The following CEP126 variants were observed in gnomAD, a reference collection of about 807,000 sequenced individuals.
CEP126 encodes the protein centrosomal protein of 126 kDa.
CEP126 carries 74 observed loss-of-function variants against 107.8 expected under a neutral mutation model. That is an observed-to-expected ratio of 0.69 (90% CI 0.57 to 0.83). The LOEUF (loss-of-function observed/expected upper bound fraction) is 0.83, where lower values mean the gene tolerates loss of function less well. Among genes scored for constraint, CEP126 ranks in the 40% least tolerant of loss-of-function variants. The probability of loss-of-function intolerance (pLI) is 0.00; values close to 1 mark genes in which losing one functional copy is unlikely to be tolerated. For missense variants in CEP126, 1,237 were observed against 1,281.9 expected, an observed-to-expected ratio of 0.96 and a Z score of 0.53; for synonymous variants, 449 against 446.0, an observed-to-expected ratio of 1.01 and a Z score of -0.08.
At chr11:101,969,899 C>G (rs1941105402) in intron 6 of CEP126, among the ~76,000 whole-genome samples, 1 of 152,122 alleles carries the variant, frequency 6.6e-6, no homozygotes, top group African/African-American at 2.4e-5. Context: ...TAAAAATGAT[C>G]CTTATCTTAC....
intron 2 of CEP126, among the ~76,000 whole-genome samples, chr11:101,935,491 C>G (rs548161542): frequency 7.4e-4 from 112 of 152,132 alleles, no homozygotes; most frequent in African/African-American, 2.5e-3. Context: ...TATCATTCAT[C>G]TCAAATTATA....
At chr11:101,919,539 A>T (rs1940290040) in intron 1 of CEP126, among the ~76,000 whole-genome samples, 1 of 152,104 alleles carries the variant, frequency 6.6e-6, no homozygotes. Context: ...TACAGCTTGT[A>T]TAAAAAAACA....
At chr11:101,940,667 T>C (rs1198945158) in intron 2 of CEP126, among the ~76,000 whole-genome samples, 1 of 152,220 alleles carries the variant, frequency 6.6e-6, no homozygotes, top group Non-Finnish European at 1.5e-5. Context: ...ACATGTCTTG[T>C]GCTAGGCTGA....
chr11:101,938,159 C>CAAAGAAAAAA (rs1940614554), intron 2 of CEP126, among the ~76,000 whole-genome samples: 1 of 39,260 alleles, frequency 2.5e-5, no homozygotes, highest in Non-Finnish European at 5.3e-5. Context: ...GACTCTGTCT[C>CAAAGAAAAAA]AAAAAAAAAA....
At chr11:101,982,416 A>T (rs951826722) in intron 8 of CEP126, among the ~76,000 whole-genome samples, 9 of 152,188 alleles carry the variant, frequency 5.9e-5, no homozygotes, top group African/African-American at 2.2e-4. Flanking sequence ...TTGAGGTAGA[A>T]TCTTTTCATA....
intron 2 of CEP126, among the ~76,000 whole-genome samples, chr11:101,926,459 G>A (rs986329372): frequency 6.6e-6 from 1 of 152,220 alleles, no homozygotes; most frequent in East Asian, 1.9e-4. Context: ...TAACTTTTAT[G>A]CCAATCTAAA....
intron 4 of CEP126, chr11:101,955,665 C>T (rs1940876257): frequency 2.8e-6 from 1 of 355,560 alleles, no homozygotes. Flanking sequence ...GATGATCATA[C>T]ATGGACCCTA....
chr11:101,996,465 C>T (rs1396009582), intron 10 of CEP126, among the ~76,000 whole-genome samples: 1 of 152,186 alleles, frequency 6.6e-6, no homozygotes, highest in East Asian at 1.9e-4. Flanking sequence ...CCCTCATTTT[C>T]CCAGCTCCTA....
At chr11:101,991,996 G>A (rs1941389204) in intron 9 of CEP126, among the ~76,000 whole-genome samples, 1 of 152,118 alleles carries the variant, frequency 6.6e-6, no homozygotes, top group Non-Finnish European at 1.5e-5. Flanking sequence ...GAAATCCATA[G>A]GGCATTGTGG....
intron 1 of CEP126, among the ~76,000 whole-genome samples, chr11:101,918,142 A>G (rs758630962): frequency 1.3e-5 from 2 of 151,996 alleles, no homozygotes; most frequent in Admixed American, 1.3e-4. Context: ...TACTTTTACT[A>G]TAGAAAGTGA....
chr11:101,986,435 T>C (rs757825899), intron 8 of CEP126, among the ~76,000 whole-genome samples: 1 of 152,238 alleles, frequency 6.6e-6, no homozygotes, highest in Non-Finnish European at 1.5e-5. Context: ...AAGTTTCTAA[T>C]CTTAAGGGTT....
rs1241819952 is a variant in CEP126 at position 101,961,725 on chromosome 11, TTC to T, written c.706-14_706-13del. On this transcript the variant is annotated splice_polypyrimidine_tract_variant and intron_variant, in intron 5 of 10. Transcript: ENST00000263468. ...AAAGTTTATAAGCTATAAAACAATGTTCTTTTTTTTTCCAGAAATTTTGTGAT... is the reference window on the plus strand; with the variant it reads ...AAAGTTTATAAGCTATAAAACAATGTTTTTTTTTTCCAGAAATTTTGTGAT... 7.3e-7 allele frequency: 1 copy of T among 1,376,480 alleles called. No homozygotes were observed. Among genetic ancestry groups the T allele is most frequent in the African/African-American group, 1.5e-5 (1 of 68,624 alleles). The allele number at this position is 1,376,480 out of a possible 1,614,324, so 85.3% of individuals were successfully genotyped here.
rs1440901784 is a variant in CEP126, at chr11:101,915,136, C to G, written c.-149C>G. 1 of 1,214,306 alleles carries G rather than the reference C, an allele frequency of 8.2e-7. No individual in the cohort carries two copies. The highest frequency in any genetic ancestry group is 2.6e-5 in the Admixed American group (1 of 38,110). The allele number at this position is 1,214,306 out of a possible 1,614,324, so 75.2% of individuals were successfully genotyped here. ...AGGCACCAGTGCCGCTGCGCGGGAG[C>G]TAGGGCTGTCGAGGCCAACCCTTCC... On this transcript the variant is annotated 5_prime_UTR_variant, in exon 1 of 11. Transcript: ENST00000263468.
chr11:101,974,210 A>C (rs1342656820), intron 6 of CEP126, among the ~76,000 whole-genome samples: 1 of 152,194 alleles, frequency 6.6e-6, no homozygotes, highest in African/African-American at 2.4e-5. Context: ...TTTGGACAAT[A>C]ATTTTAGGCA....
In CEP126 at chr11:101,958,435, T is replaced by G. The variant is rs544843909; in HGVS notation, c.705+69T>G. The G allele has an allele frequency of 9.3e-6, 12 of 1,285,476 alleles. No homozygotes were observed. The South Asian group carries it at 1.5e-4, about 16-fold the overall frequency. 79.6% of individuals were successfully genotyped at this position (1,285,476 alleles called of 1,614,324 possible). A position where few individuals can be genotyped will look rare whatever the true frequency, so the allele number is the denominator to read the frequency against. The stretch of plus-strand genomic sequence containing the variant: ...CTAATTTTGCTCCACTTTTGCAGTG[T>G]TCTCCACTAAAGAAATATCTTACTA... On this transcript the variant is annotated intron_variant, in intron 5 of 10. Coordinates refer to ENST00000263468, the MANE Select transcript of CEP126 (RefSeq NM_020802.4).
At position 101,997,725 on chromosome 11, in the gene CEP126, G is replaced by A; in HGVS notation, c.*82G>A. On this transcript the variant is annotated 3_prime_UTR_variant, in exon 11 of 11. Transcript: ENST00000263468. ...TACCGTTTTGTGAAAACCAGCCATAGGAAAACATGTGAGCAACAACCCCCA... is the reference window on the plus strand; with the variant it reads ...TACCGTTTTGTGAAAACCAGCCATAAGAAAACATGTGAGCAACAACCCCCA... 6.3e-7 allele frequency: 1 copy of A among 1,592,268 alleles called. No individual in the cohort carries two copies. The highest frequency in any genetic ancestry group is 8.6e-7 in the Non-Finnish European group (1 of 1,166,918).
At chr11:101,922,139 T>G (rs1380036331) in intron 1 of CEP126, among the ~76,000 whole-genome samples, 1 of 150,532 alleles carries the variant, frequency 6.6e-6, no homozygotes. Flanking sequence ...GTGAGCTATA[T>G]CTTACTTTCT....
chr11:101,979,348 C>T (rs1941229366), intron 7 of CEP126, among the ~76,000 whole-genome samples: 2 of 152,098 alleles, frequency 1.3e-5, no homozygotes, highest in African/African-American at 4.8e-5. Context: ...CTTTGAAATA[C>T]ATAAAGAATA....
chr11:101,938,573 C>T (rs1940625322), intron 2 of CEP126, among the ~76,000 whole-genome samples: 1 of 151,996 alleles, frequency 6.6e-6, no homozygotes, highest in Non-Finnish European at 1.5e-5. Context: ...ATTGGCCAAG[C>T]ATGGTGGCTC....
Sources: gnomAD v4.1 joint callset for allele counts (sites outside exome capture counted in the v4.1 genomes callset) on GRCh38, gnomAD v4.1.1 for gene constraint, MANE v1.5 for transcripts, NCBI Gene and HGNC (gene_info 2026-07-23, HGNC 2026-07-21) for gene names.